ARSB: variants seen among roughly 807,000 people sequenced by gnomAD.
ARSB encodes the protein arylsulfatase B, also known as N-acetylgalactosamine-4-sulfatase.
In ARSB, 41 loss-of-function variants were observed where a neutral mutation model predicts 50.9. The ratio of observed to expected loss-of-function variants is 0.81; its 90% CI spans 0.63 to 1.04. The LOEUF (loss-of-function observed/expected upper bound fraction) is 1.04, where lower values mean the gene tolerates loss of function less well. ARSB is among the 50% of genes least tolerant of loss of function. ARSB has a pLI of 0.00. For missense variants in ARSB, 672 were observed against 693.3 expected (o/e 0.97, Z 0.35); for synonymous variants, 269 against 284.8 (o/e 0.94, Z 0.56).
chr5:78,873,737 C>T (rs899330724), intron 5 of ARSB, among the ~76,000 whole-genome samples: 13 of 151,782 alleles, frequency 8.6e-5, no homozygotes, highest in Middle Eastern at 3.4e-3. Context: ...CCTTGTGATC[C>T]GCCCGCCTCG....
chr5:78,925,178 C>G (rs1351803330), intron 4 of ARSB, among the ~76,000 whole-genome samples: 1 of 152,120 alleles, frequency 6.6e-6, no homozygotes, highest in South Asian at 2.1e-4. Flanking sequence ...AGACCGTGCC[C>G]TAATCCATAG....
At chr5:78,850,769 CT>C (rs1273536205) in intron 5 of ARSB, among the ~76,000 whole-genome samples, 1 of 152,140 alleles carries the variant, frequency 6.6e-6, no homozygotes, top group African/African-American at 2.4e-5. Flanking sequence ...GATTCAACTT[CT>C]TCCTGGTTTA....
chr5:78,862,235 T>A (rs576008424), intron 5 of ARSB, among the ~76,000 whole-genome samples: 1 of 152,260 alleles, frequency 6.6e-6, no homozygotes, highest in East Asian at 1.9e-4. Flanking sequence ...AAGCTACCAA[T>A]GACTTTCTTC....
At chr5:78,899,736 T>C (rs1359354519) in intron 4 of ARSB, among the ~76,000 whole-genome samples, 1 of 152,206 alleles carries the variant, frequency 6.6e-6, no homozygotes, top group African/African-American at 2.4e-5. Flanking sequence ...CTGTATTATC[T>C]TGGAGATACC....
At chr5:78,849,708 C>T (rs2112036252) in intron 5 of ARSB, among the ~76,000 whole-genome samples, 1 of 146,874 alleles carries the variant, frequency 6.8e-6, no homozygotes, top group African/African-American at 2.5e-5. Flanking sequence ...GAATGTTCTT[C>T]CATTTGTTTG....
intron 4 of ARSB, among the ~76,000 whole-genome samples, chr5:78,946,725 T>C (rs781412275): frequency 1.3e-5 from 2 of 152,152 alleles, no homozygotes; most frequent in South Asian, 2.1e-4. Flanking sequence ...ACAGATTCAA[T>C]GCAATCCCTA....
chr5:78,817,823 C>CA (rs543185932), intron 6 of ARSB, among the ~76,000 whole-genome samples: 380 of 151,508 alleles, frequency 2.5e-3, no homozygotes, highest in Middle Eastern at 6.8e-3. Context: ...TCAAAAAACC[C>CA]AAAAAAACAA....
At chr5:78,816,195 CA>C (rs1224768117) in intron 6 of ARSB, 2 of 1,612,168 alleles carry the variant, frequency 1.2e-6, no homozygotes, top group African/African-American at 2.7e-5. Flanking sequence ...ATTTCTAGTC[CA>C]GGAGATTTCT....
intron 5 of ARSB, among the ~76,000 whole-genome samples, chr5:78,878,001 G>T (rs1265241691): frequency 6.6e-6 from 1 of 152,114 alleles, no homozygotes; most frequent in Non-Finnish European, 1.5e-5. Context: ...GCATGAAATT[G>T]ATGAAAGATC....
At chr5:78,856,530 T>G (rs1746150200) in intron 5 of ARSB, among the ~76,000 whole-genome samples, 1 of 152,220 alleles carries the variant, frequency 6.6e-6, no homozygotes, top group Non-Finnish European at 1.5e-5. Context: ...CAAAGGTGTG[T>G]ATACCAAAGT....
Position 78,985,013 on chromosome 5 carries a change from C to A in ARSB, c.236G>T (p.Gly79Val). Residue 79 changes from glycine to valine, a missense_variant, in exon 1 of 8, where the codon GGG becomes GTG. Transcript: ENST00000264914. ...TPHLDALAAG[G>V]VLLDNYYTQP... is the part of the protein sequence containing the mutation. ...CGTGTAGTAGTTGTCCAGGAGCACCCCGCCGGCCGCCAGCGCGTCCAGGTG... is the reference window on the plus strand; with the variant it reads ...CGTGTAGTAGTTGTCCAGGAGCACCACGCCGGCCGCCAGCGCGTCCAGGTG... The A allele has an allele frequency of 6.5e-7, 1 of 1,539,160 alleles. No individual in the cohort carries two copies. Among genetic ancestry groups the A allele is most frequent in the Non-Finnish European group, 8.7e-7 (1 of 1,145,566 alleles).
At chr5:78,823,975 T>A (rs968431043) in intron 6 of ARSB, among the ~76,000 whole-genome samples, 1 of 151,790 alleles carries the variant, frequency 6.6e-6, no homozygotes, top group Admixed American at 6.6e-5. Context: ...CAGTGGGGAG[T>A]GTTTGGGCCA....
At chr5:78,868,041 C>A (rs572492556) in intron 5 of ARSB, among the ~76,000 whole-genome samples, 1 of 136,900 alleles carries the variant, frequency 7.3e-6, no homozygotes, top group Non-Finnish European at 1.6e-5. Flanking sequence ...CCGATGCGAT[C>A]AACTGGAAGA....
At chr5:78,882,620 A>C (rs766441044) in intron 5 of ARSB, among the ~76,000 whole-genome samples, 13 of 152,172 alleles carry the variant, frequency 8.5e-5, no homozygotes, top group Non-Finnish European at 1.3e-4. Context: ...AGTGACTGAA[A>C]TAGTGTTTGC....
chr5:78,958,676 C>A (rs1408457806), intron 3 of ARSB, among the ~76,000 whole-genome samples: 1 of 151,956 alleles, frequency 6.6e-6, no homozygotes, highest in Non-Finnish European at 1.5e-5. Flanking sequence ...TTTGCAACTT[C>A]TGTTTCTTAG....
chr5:78,795,762 G>A (rs11957735), intron 6 of ARSB, among the ~76,000 whole-genome samples: 8,429 of 152,168 alleles, frequency 0.055, 807 homozygotes, highest in African/African-American at 0.19. Flanking sequence ...AAATTAAAAT[G>A]CTCATAATTT....
intron 4 of ARSB, among the ~76,000 whole-genome samples, chr5:78,891,365 G>T (rs2112234373): frequency 6.6e-6 from 1 of 152,296 alleles, no homozygotes; most frequent in South Asian, 2.1e-4. Context: ...TGTCTAATCT[G>T]GTCCCTGGTC....
At chr5:78,969,943 C>T (rs74909186) in intron 1 of ARSB, among the ~76,000 whole-genome samples, 5,510 of 152,178 alleles carry the variant, frequency 0.036, 209 homozygotes, top group African/African-American at 0.09. Context: ...TATAATAAAA[C>T]GATTATTGCA....
At chr5:78,898,849 A>G (rs149903206) in intron 4 of ARSB, among the ~76,000 whole-genome samples, 123 of 152,350 alleles carry the variant, frequency 8.1e-4, no homozygotes, top group African/African-American at 2.6e-3. Context: ...CATACCAGCA[A>G]TACAGTAAGA....
Sources: gnomAD v4.1 joint callset for allele counts (sites outside exome capture counted in the v4.1 genomes callset) on GRCh38, gnomAD v4.1.1 for gene constraint, MANE v1.5 for transcripts, NCBI Gene and HGNC (gene_info 2026-07-23, HGNC 2026-07-21) for gene names.